LINGO2: variants seen among roughly 807,000 people sequenced by gnomAD.
LINGO2 encodes leucine-rich repeat and immunoglobulin-like domain-containing nogo receptor-interacting protein 2.
Under a neutral mutation model 30.6 loss-of-function variants are expected in LINGO2, and 14 were observed. That is an observed-to-expected ratio of 0.46 (90% CI 0.30 to 0.72). The LOEUF is 0.72. Ranked by LOEUF, LINGO2 falls within the 30% of genes least tolerant of loss-of-function variation. LINGO2 has a pLI of 0.07. For synonymous variants in LINGO2, 317 were observed against 288.5 expected, an observed-to-expected ratio of 1.10 and a Z score of -1.00; for missense variants, 729 against 751.7, an observed-to-expected ratio of 0.97 and a Z score of 0.35.
At chr9:28,002,962 G>A (rs576485081) in intron 5 of LINGO2, among the ~76,000 whole-genome samples, 17 of 152,220 alleles carry the variant, frequency 1.1e-4, no homozygotes, top group Non-Finnish European at 2.2e-4. Flanking sequence ...ATGGATAGTT[G>A]CTCTCTTGAG....
intron 3 of LINGO2, among the ~76,000 whole-genome samples, chr9:28,316,347 G>C (rs1824845772): frequency 6.6e-6 from 1 of 151,890 alleles, no homozygotes; most frequent in Admixed American, 6.6e-5. Flanking sequence ...AAACAGATAA[G>C]GCAATATGTT....
At chr9:29,131,336 C>T in the LINGO2 span, among the ~76,000 whole-genome samples, 1 of 152,160 alleles carries the variant, frequency 6.6e-6, no homozygotes, top group South Asian at 2.1e-4. Context: ...TCACTTTTCC[C>T]CTCCAGCAAT....
chr9:29,016,239 T>A, the LINGO2 span, among the ~76,000 whole-genome samples: 2 of 152,176 alleles, frequency 1.3e-5, no homozygotes, highest in Non-Finnish European at 2.9e-5. Context: ...TAAACAGTAG[T>A]TGCTACTAAC....
At chr9:27,990,472 CTTTTAT>C (rs1248158900) in intron 5 of LINGO2, among the ~76,000 whole-genome samples, 5 of 143,006 alleles carry the variant, frequency 3.5e-5, no homozygotes, top group Non-Finnish European at 7.7e-5. Flanking sequence ...ACCCCCCCCC[CTTTTAT>C]TTTTAACTTC....
chr9:28,883,870 G>C, the LINGO2 span, among the ~76,000 whole-genome samples: 3 of 150,602 alleles, frequency 2.0e-5, no homozygotes, highest in African/African-American at 7.3e-5. Flanking sequence ...TAGAGATGGG[G>C]TTTCACGGTG....
the LINGO2 span, among the ~76,000 whole-genome samples, chr9:29,039,431 T>C: frequency 3.9e-5 from 6 of 152,086 alleles, no homozygotes; most frequent in African/African-American, 7.2e-5. Context: ...GGATGAGTCA[T>C]TGATATTTAA....
At chr9:28,277,525 C>G (rs866093332) in intron 4 of LINGO2, among the ~76,000 whole-genome samples, 1 of 151,954 alleles carries the variant, frequency 6.6e-6, no homozygotes, top group African/African-American at 2.4e-5. Context: ...AGAAATGGGC[C>G]GGGTGCAGTA....
the LINGO2 span, among the ~76,000 whole-genome samples, chr9:28,685,023 C>G: frequency 2.0e-5 from 3 of 152,100 alleles, no homozygotes; most frequent in African/African-American, 7.2e-5. Context: ...TGTCGTTCCC[C>G]TCTTTGTGTC....
the LINGO2 span, among the ~76,000 whole-genome samples, chr9:28,818,146 C>T: frequency 2.6e-5 from 4 of 152,274 alleles, no homozygotes; most frequent in African/African-American, 9.6e-5. Context: ...CTGGTTAATG[C>T]AGCTATACCT....
At chr9:29,102,047 C>A in the LINGO2 span, among the ~76,000 whole-genome samples, 2 of 151,356 alleles carry the variant, frequency 1.3e-5, no homozygotes, top group African/African-American at 2.4e-5. Context: ...AACTATCACA[C>A]GGACTTGGCT....
chr9:28,249,508 T>A (rs1822118612), intron 4 of LINGO2, among the ~76,000 whole-genome samples: 5 of 152,152 alleles, frequency 3.3e-5, no homozygotes, highest in Admixed American at 3.3e-4. Context: ...TGTACAATCA[T>A]GCACTTTACA....
At chr9:27,957,922 T>C (rs1186385494) in intron 5 of LINGO2, among the ~76,000 whole-genome samples, 2 of 152,224 alleles carry the variant, frequency 1.3e-5, no homozygotes, top group Non-Finnish European at 2.9e-5. Flanking sequence ...GACAGTTTCA[T>C]TCTTTCCTTT....
rs138879987 is a variant in LINGO2, at chr9:27,973,588, A to T, written c.-35-22882T>A. Among the ~76,000 whole-genome samples, 1,156 of 152,320 alleles carry T rather than the reference A, an allele frequency of 7.6e-3. 5 individuals are homozygous for T. The highest frequency in any genetic ancestry group is 0.013 in the Non-Finnish European group (857 of 68,018). On this transcript the variant is annotated intron_variant, in intron 5 of 5. Coordinates refer to ENST00000379992, the Ensembl canonical transcript of LINGO2. ...TTCAACAGGAAAGGAAAAGAAGCCAACGTGGTCAGTATGTTTCCTAGGAAA... is the reference window on the plus strand; with the variant it reads ...TTCAACAGGAAAGGAAAAGAAGCCATCGTGGTCAGTATGTTTCCTAGGAAA...
the LINGO2 span, among the ~76,000 whole-genome samples, chr9:28,964,888 C>T: frequency 6.6e-6 from 1 of 151,854 alleles, no homozygotes; most frequent in Non-Finnish European, 1.5e-5. Flanking sequence ...AAGGAAGCAA[C>T]TAGGAAGAAG....
the LINGO2 span, among the ~76,000 whole-genome samples, chr9:28,794,926 G>A: frequency 6.6e-6 from 1 of 151,716 alleles, no homozygotes; most frequent in African/African-American, 2.4e-5. Flanking sequence ...CGCCTCCCAG[G>A]TTCAAGCGAT....
At chr9:28,546,051 A>T (rs1464952867) in intron 1 of LINGO2, among the ~76,000 whole-genome samples, 1 of 152,096 alleles carries the variant, frequency 6.6e-6, no homozygotes, top group Non-Finnish European at 1.5e-5. Flanking sequence ...AAAGACAAAT[A>T]CTTCATGATC....
chr9:28,057,972 A>G (rs1198329971), intron 4 of LINGO2, among the ~76,000 whole-genome samples: 3 of 152,076 alleles, frequency 2.0e-5, no homozygotes, highest in Non-Finnish European at 4.4e-5. Flanking sequence ...TCTTTTATAT[A>G]CTATTCTCTC....
At chr9:28,261,025 T>C (rs1453356408) in intron 4 of LINGO2, among the ~76,000 whole-genome samples, 2 of 152,008 alleles carry the variant, frequency 1.3e-5, no homozygotes, top group Non-Finnish European at 2.9e-5. Context: ...ATGTAAATCA[T>C]ACATCTAGAT....
intron 4 of LINGO2, among the ~76,000 whole-genome samples, chr9:28,100,700 TA>T (rs1826389152): frequency 6.6e-6 from 1 of 152,178 alleles, no homozygotes. Flanking sequence ...AGGCTGTAGT[TA>T]CCTTATTCAT....
Sources: gnomAD v4.1 joint callset for allele counts (sites outside exome capture counted in the v4.1 genomes callset) on GRCh38, gnomAD v4.1.1 for gene constraint, MANE v1.5 for transcripts, NCBI Gene and HGNC (gene_info 2026-07-23, HGNC 2026-07-21) for gene names.